CCSER1: variants seen among roughly 807,000 people sequenced by gnomAD.
CCSER1 encodes serine-rich coiled-coil domain-containing protein 1.
In CCSER1, 41 loss-of-function variants were observed where a neutral mutation model predicts 82.0. That is an observed-to-expected ratio of 0.50 (90% CI 0.39 to 0.65). The LOEUF (loss-of-function observed/expected upper bound fraction) is 0.65, where lower values mean the gene tolerates loss of function less well. CCSER1 is among the 30% of genes least tolerant of loss of function. The pLI is 0.00. For synonymous variants in CCSER1, 414 were observed against 383.9 expected (o/e 1.08, Z -0.92); for missense variants, 1,119 against 1,064.2 (o/e 1.05, Z -0.72).
At chr4:91,174,952 C>T (rs941819790) in intron 10 of CCSER1, among the ~76,000 whole-genome samples, 3 of 152,100 alleles carry the variant, frequency 2.0e-5, no homozygotes, top group South Asian at 2.1e-4. Context: ...AGGTATATCT[C>T]CTAATGCTAT....
At chr4:90,578,687 T>C (rs1368201223) in intron 5 of CCSER1, among the ~76,000 whole-genome samples, 2 of 152,192 alleles carry the variant, frequency 1.3e-5, no homozygotes, top group Non-Finnish European at 2.9e-5. Flanking sequence ...CCTTTTGCTA[T>C]GTGGCAGCAT....
At chr4:90,341,181 TC>T (rs1285587755) in intron 3 of CCSER1, among the ~76,000 whole-genome samples, 1 of 152,112 alleles carries the variant, frequency 6.6e-6, no homozygotes, top group African/African-American at 2.4e-5. Context: ...AATGTCTGTT[TC>T]CTCATAGATA....
At chr4:91,267,087 A>G (rs1160742429) in intron 10 of CCSER1, among the ~76,000 whole-genome samples, 3 of 152,274 alleles carry the variant, frequency 2.0e-5, no homozygotes, top group Admixed American at 2.0e-4. Flanking sequence ...TCCATTTTCT[A>G]TTTAACAACC....
At chr4:90,888,656 C>T (rs998667848) in intron 8 of CCSER1, among the ~76,000 whole-genome samples, 3 of 151,976 alleles carry the variant, frequency 2.0e-5, no homozygotes, top group Non-Finnish European at 4.4e-5. Context: ...GTTAACATTT[C>T]TGCATGTCTT....
At chr4:90,503,776 T>C (rs1328944077) in intron 5 of CCSER1, among the ~76,000 whole-genome samples, 2 of 152,284 alleles carry the variant, frequency 1.3e-5, no homozygotes, top group Admixed American at 1.3e-4. Flanking sequence ...TATTCCATGG[T>C]GTATTATAAA....
chr4:90,343,374 G>A (rs1300985196), intron 3 of CCSER1, among the ~76,000 whole-genome samples: 1 of 152,122 alleles, frequency 6.6e-6, no homozygotes, highest in African/African-American at 2.4e-5. Context: ...GCCGGGCATG[G>A]TGGAGGCCAA....
At chr4:91,162,935 G>T (rs1731597186) in intron 10 of CCSER1, among the ~76,000 whole-genome samples, 1 of 151,966 alleles carries the variant, frequency 6.6e-6, no homozygotes, top group Non-Finnish European at 1.5e-5. Flanking sequence ...ATCTCCTTCA[G>T]TTCTGCTCTG....
At chr4:90,158,485 A>G (rs935576543) in intron 1 of CCSER1, among the ~76,000 whole-genome samples, 6 of 152,180 alleles carry the variant, frequency 3.9e-5, no homozygotes, top group African/African-American at 1.2e-4. Flanking sequence ...CCAGAGGTGG[A>G]GCCTACAGAG....
chr4:90,675,573 TTTGATG>T (rs1364303768), intron 6 of CCSER1, among the ~76,000 whole-genome samples: 1 of 151,016 alleles, frequency 6.6e-6, no homozygotes, highest in African/African-American at 2.4e-5. Context: ...ACTGACATAT[TTTGATG>T]TTGATGTATT....
chr4:91,215,056 C>T (rs1560521016), intron 10 of CCSER1, among the ~76,000 whole-genome samples: 1 of 151,914 alleles, frequency 6.6e-6, no homozygotes, highest in East Asian at 1.9e-4. Flanking sequence ...TTATCAACAA[C>T]CCATTTATAT....
In CCSER1 at chr4:90,882,476, T is replaced by C. The variant is rs182319218; in HGVS notation, c.2095-40894T>C. Among the ~76,000 whole-genome samples, 374 of 152,226 alleles carry C rather than the reference T, an allele frequency of 2.5e-3. 1 individual carries two copies. Among genetic ancestry groups the C allele is most frequent in the Admixed American group, 5.2e-3 (79 of 15,290 alleles). On this transcript the variant is annotated intron_variant, in intron 8 of 10. Coordinates refer to ENST00000509176, the MANE Select transcript of CCSER1 (RefSeq NM_001145065.2). ...TTCTGAAACTTTTATATTTTTCATT[T>C]ATATGCTGTGAATATAATGCCTGAA... is the stretch of plus-strand genomic sequence containing the variant.
intron 10 of CCSER1, among the ~76,000 whole-genome samples, chr4:91,470,546 G>A (rs1757217030): frequency 6.6e-6 from 1 of 152,110 alleles, no homozygotes. Flanking sequence ...TGTTGTTAGA[G>A]ACAGGCTCTC....
chr4:90,750,097 G>A (rs969497984), intron 7 of CCSER1, among the ~76,000 whole-genome samples: 1 of 151,880 alleles, frequency 6.6e-6, no homozygotes, highest in African/African-American at 2.4e-5. Context: ...CTTCTTTTGA[G>A]AAGTGTCTGT....
chr4:91,497,670 C>T lies in CCSER1; in HGVS notation c.2218-100902C>T, dbSNP rs567047125. Among the ~76,000 whole-genome samples the T allele has an allele frequency of 1.2e-3, 187 of 151,660 alleles. 1 individual carries two copies. Among genetic ancestry groups the T allele is most frequent in the Non-Finnish European group, 1.9e-4 (13 of 67,720 alleles). On this transcript the variant is annotated intron_variant, in intron 10 of 10. Transcript: ENST00000509176. ...ATTTTAAAGCTAGAGATAAGGAACACGTGTATTAAAATCGAAATTAGGATA... is the reference window on the plus strand; with the variant it reads ...ATTTTAAAGCTAGAGATAAGGAACATGTGTATTAAAATCGAAATTAGGATA...
chr4:90,915,052 C>G (rs911312873), intron 8 of CCSER1, among the ~76,000 whole-genome samples: 1 of 152,140 alleles, frequency 6.6e-6, no homozygotes, highest in Non-Finnish European at 1.5e-5. Context: ...AAGTCCTGGA[C>G]CAGACGGATT....
intron 3 of CCSER1, among the ~76,000 whole-genome samples, chr4:90,354,698 G>C (rs553418162): frequency 6.6e-6 from 1 of 152,148 alleles, no homozygotes. Flanking sequence ...GATGGTTCTC[G>C]TGCTAGGTAT....
chr4:90,344,579 C>G (rs1427662523), intron 3 of CCSER1, among the ~76,000 whole-genome samples: 1 of 152,040 alleles, frequency 6.6e-6, no homozygotes, highest in Non-Finnish European at 1.5e-5. Context: ...CCATAAACTC[C>G]TTGTAAAGTT....
At chr4:91,123,205 G>A (rs1727237885) in intron 10 of CCSER1, among the ~76,000 whole-genome samples, 1 of 151,550 alleles carries the variant, frequency 6.6e-6, no homozygotes, top group South Asian at 2.1e-4. Context: ...AAATAGCATA[G>A]TTTTCATTTA....
chr4:90,627,356 T>C (rs186105174), intron 5 of CCSER1, among the ~76,000 whole-genome samples: 338 of 152,128 alleles, frequency 2.2e-3, no homozygotes, highest in Non-Finnish European at 3.1e-3. Context: ...CTGTTTGTTT[T>C]TTCTCTATTT....
Sources: allele counts gnomAD v4.1 joint callset (sites outside exome capture counted in the v4.1 genomes callset), GRCh38; gene constraint gnomAD v4.1.1; transcripts MANE v1.5; gene names NCBI Gene and HGNC (gene_info 2026-07-23, HGNC 2026-07-21).